The following RBMS3 variants were observed in gnomAD, a reference collection of about 807,000 sequenced individuals.
The protein encoded by RBMS3 is RNA binding motif single stranded interacting protein 3, also known as RNA-binding motif, single-stranded-interacting protein 3.
In RBMS3, 27 loss-of-function variants were observed where a neutral mutation model predicts 66.8. The ratio of observed to expected loss-of-function variants is 0.40; its 90% confidence interval spans 0.30 to 0.56. The LOEUF (loss-of-function observed/expected upper bound fraction) is 0.56. Ranked by LOEUF, RBMS3 falls within the 20% of genes least tolerant of loss-of-function variation. The pLI is 0.40. For missense variants in RBMS3, 513 were observed against 549.5 expected (o/e 0.93, Z 0.66); for synonymous variants, 188 against 183.0 (o/e 1.03, Z -0.22).
chr3:29,632,403 G>T (rs1186692503), intron 4 of RBMS3, among the ~76,000 whole-genome samples: 1 of 151,890 alleles, frequency 6.6e-6, no homozygotes, highest in Admixed American at 6.6e-5. Flanking sequence ...AACTGAATCT[G>T]ATTATAATTG....
At chr3:29,716,736 C>G (rs1037624848) in intron 4 of RBMS3, among the ~76,000 whole-genome samples, 4 of 152,128 alleles carry the variant, frequency 2.6e-5, no homozygotes, top group Admixed American at 2.0e-4. Context: ...GCAAAAAAGG[C>G]ATCTACATAT....
At chr3:29,738,007 C>T (rs570074401) in intron 4 of RBMS3, among the ~76,000 whole-genome samples, 8 of 152,104 alleles carry the variant, frequency 5.3e-5, no homozygotes, top group African/African-American at 1.7e-4. Context: ...CTATTTCCCA[C>T]GGTGCTAAAA....
chr3:29,630,740 C>T (rs1034887387), intron 4 of RBMS3, among the ~76,000 whole-genome samples: 1 of 151,994 alleles, frequency 6.6e-6, no homozygotes, highest in African/African-American at 2.4e-5. Flanking sequence ...ATAATTATCA[C>T]TCTTGGTGAT....
At chr3:29,500,639 C>T (rs993528471) in intron 3 of RBMS3, among the ~76,000 whole-genome samples, 4 of 151,802 alleles carry the variant, frequency 2.6e-5, no homozygotes, top group African/African-American at 4.8e-5. Context: ...TTGCAATATG[C>T]GGTACAGGTT....
intron 5 of RBMS3, among the ~76,000 whole-genome samples, chr3:29,754,580 C>CACTG: frequency 6.6e-6 from 1 of 152,270 alleles, no homozygotes. Flanking sequence ...CAAGGGAGAT[C>CACTG]ACTGAAAGTC....
intron 4 of RBMS3, among the ~76,000 whole-genome samples, chr3:29,712,114 A>G (rs2053195720): frequency 6.6e-6 from 1 of 152,136 alleles, no homozygotes; most frequent in Non-Finnish European, 1.5e-5. Flanking sequence ...TTGCCTCATT[A>G]TATAAGAGAA....
chr3:29,378,359 C>G (rs2038588167), intron 1 of RBMS3, among the ~76,000 whole-genome samples: 1 of 151,974 alleles, frequency 6.6e-6, no homozygotes, highest in Non-Finnish European at 1.5e-5. Context: ...GTAGTCCCAG[C>G]TACCTGGGAG....
intron 12 of RBMS3, among the ~76,000 whole-genome samples, chr3:29,955,012 C>T (rs1333469565): frequency 6.6e-6 from 1 of 152,036 alleles, no homozygotes; most frequent in African/African-American, 2.4e-5. Context: ...TCTTTTCTAA[C>T]AGCAGCCCTC....
chr3:29,413,562 G>GT (rs2040365059), intron 1 of RBMS3, among the ~76,000 whole-genome samples: 1 of 152,150 alleles, frequency 6.6e-6, no homozygotes, highest in South Asian at 2.1e-4. Context: ...TTATTTAATA[G>GT]TTACACTGGT....
At chr3:29,406,707 G>T (rs1306510972) in intron 1 of RBMS3, among the ~76,000 whole-genome samples, 1 of 152,108 alleles carries the variant, frequency 6.6e-6, no homozygotes, top group Non-Finnish European at 1.5e-5. Flanking sequence ...AAAAATACAA[G>T]TTTATATGCA....
intron 3 of RBMS3, among the ~76,000 whole-genome samples, chr3:29,500,706 C>T (rs1017802353): frequency 4.6e-5 from 7 of 151,814 alleles, no homozygotes; most frequent in African/African-American, 1.7e-4. Flanking sequence ...TAGGCTATAC[C>T]ATCTACATTT....
intron 3 of RBMS3, among the ~76,000 whole-genome samples, chr3:29,501,660 T>A (rs1319980437): frequency 1.3e-5 from 2 of 152,136 alleles, no homozygotes; most frequent in African/African-American, 4.8e-5. Flanking sequence ...TTTACTTAAA[T>A]ATGGAAGGTA....
chr3:29,788,503 G>A (rs2056900721), intron 6 of RBMS3, among the ~76,000 whole-genome samples: 1 of 152,062 alleles, frequency 6.6e-6, no homozygotes. Flanking sequence ...GGGATTACAG[G>A]CATGAGCCAC....
chr3:29,638,873 G>C (rs1394601419), intron 4 of RBMS3, among the ~76,000 whole-genome samples: 1 of 151,778 alleles, frequency 6.6e-6, no homozygotes, highest in Non-Finnish European at 1.5e-5. Context: ...ATTGCTTCGA[G>C]CTGGAAAATT....
intron 3 of RBMS3, among the ~76,000 whole-genome samples, chr3:29,510,261 C>T (rs899237790): frequency 2.0e-5 from 3 of 152,170 alleles, no homozygotes; most frequent in East Asian, 1.9e-4. Context: ...GTGATTTTCA[C>T]CTTGTTCTAA....
intron 1 of RBMS3, among the ~76,000 whole-genome samples, chr3:29,428,586 A>AG (rs944976970): frequency 9.2e-5 from 14 of 151,782 alleles, no homozygotes; most frequent in East Asian, 3.9e-4. Context: ...AAAAAAAAAA[A>AG]AAGAAGAAAA....
intron 1 of RBMS3, among the ~76,000 whole-genome samples, chr3:29,388,247 G>T (rs1016252760): frequency 6.6e-6 from 1 of 152,118 alleles, no homozygotes; most frequent in Non-Finnish European, 1.5e-5. Flanking sequence ...AGAAATAAGC[G>T]GTTTGCTTGT....
intron 3 of RBMS3, among the ~76,000 whole-genome samples, chr3:29,577,322 G>A (rs955632875): frequency 2.6e-5 from 4 of 152,216 alleles, no homozygotes; most frequent in African/African-American, 4.8e-5. Context: ...CCCTTAGGCA[G>A]AAGGAAGGAG....
At chr3:29,360,349 G>A (rs1345717770) in intron 1 of RBMS3, among the ~76,000 whole-genome samples, 6 of 151,998 alleles carry the variant, frequency 3.9e-5, no homozygotes, top group African/African-American at 1.5e-4. Context: ...CCATGTAGTT[G>A]AGTGGTTTTG....
Sources: gnomAD v4.1 joint callset for allele counts (sites outside exome capture counted in the v4.1 genomes callset) on GRCh38, gnomAD v4.1.1 for gene constraint, MANE v1.5 for transcripts, NCBI Gene and HGNC (gene_info 2026-07-23, HGNC 2026-07-21) for gene names.